The following CES5A variants were observed in gnomAD, a reference collection of about 807,000 sequenced individuals.
CES5A encodes carboxylesterase 5A, also known as carboxylesterase 5.
In CES5A, 67 loss-of-function variants were observed where a neutral mutation model predicts 62.9. The ratio of observed to expected loss-of-function variants is 1.07; its 90% CI spans 0.88 to 1.31. CES5A has a LOEUF of 1.31. Ranked by LOEUF, CES5A falls within the 50% of genes most tolerant of loss-of-function variation. The pLI, the probability that CES5A is intolerant of heterozygous loss-of-function variation, is 0.00. For missense variants in CES5A, 748 were observed against 708.5 expected (o/e 1.06, Z -0.63); for synonymous variants, 296 against 280.8 (o/e 1.05, Z -0.54).
chr16:55,895,883 C>T (rs1412970206), intron 1 of CES5A, among the ~76,000 whole-genome samples: 3 of 152,062 alleles, frequency 2.0e-5, no homozygotes, highest in African/African-American at 7.2e-5. Flanking sequence ...TCATGGGTCC[C>T]TTATGAACAA....
rs551931426 is a variant in CES5A at position 55,861,271 on chromosome 16, T to C, written c.915+141A>G. ...TACAAGGGTTCTATATCCCTACTTA[T>C]TTTTTTACAGCTGTTACCAAGTACC... On this transcript the variant is annotated intron_variant, in intron 7 of 12. Coordinates refer to ENST00000290567, the MANE Select transcript of CES5A (RefSeq NM_001143685.2). 4.2e-5 allele frequency: 26 copies of C among 618,384 alleles called. No individual in the cohort carries two copies. In the Admixed American group the frequency reaches 6.4e-4, roughly 15 times the overall value. 38.3% of individuals were successfully genotyped at this position (618,384 alleles called of 1,614,324 possible). A position where few individuals can be genotyped will look rare whatever the true frequency, so the allele number is the denominator to read the frequency against.
At chr16:55,848,933 T>C (rs1268481319) in intron 11 of CES5A, among the ~76,000 whole-genome samples, 2 of 152,174 alleles carry the variant, frequency 1.3e-5, no homozygotes, top group African/African-American at 2.4e-5. Context: ...ACTGAAATAA[T>C]GAATAACCCA....
upstream of CES5A, among the ~76,000 whole-genome samples, chr16:55,879,474 C>T (rs548835480): frequency 1.3e-5 from 2 of 151,516 alleles, no homozygotes; most frequent in Non-Finnish European, 2.9e-5. Context: ...CACCCTATCA[C>T]TGCATCCCAT....
intron 1 of CES5A, among the ~76,000 whole-genome samples, chr16:55,887,267 A>C (rs2033826347): frequency 6.6e-6 from 1 of 150,942 alleles, no homozygotes; most frequent in Admixed American, 6.6e-5. Context: ...CTGGGGGTGG[A>C]GGGATGCTTC....
upstream of CES5A, among the ~76,000 whole-genome samples, chr16:55,878,980 G>T (rs2033731589): frequency 2.4e-5 from 3 of 126,498 alleles, no homozygotes; most frequent in Admixed American, 2.5e-4. Flanking sequence ...GCCCATTGCT[G>T]CACCCCATCA....
At chr16:55,853,548 A>G (rs2033174053) in intron 9 of CES5A, among the ~76,000 whole-genome samples, 1 of 152,124 alleles carries the variant, frequency 6.6e-6, no homozygotes. Context: ...GCCCTTAGCT[A>G]TTATCTTACC....
At chr16:55,920,455 T>C (rs2034192963) in intron 1 of CES5A, among the ~76,000 whole-genome samples, 1 of 152,118 alleles carries the variant, frequency 6.6e-6, no homozygotes, top group Admixed American at 6.5e-5. Context: ...GTCCCACAGG[T>C]CTTCTGGGAA....
chr16:55,878,200 G>C (rs1253757032), upstream of CES5A, among the ~76,000 whole-genome samples: 1 of 152,078 alleles, frequency 6.6e-6, no homozygotes, highest in East Asian at 1.9e-4. Flanking sequence ...TTAAAACATA[G>C]GTTAATCTAC....
intron 1 of CES5A, among the ~76,000 whole-genome samples, chr16:55,912,773 G>A (rs1229068950): frequency 5.3e-5 from 8 of 152,134 alleles, no homozygotes; most frequent in South Asian, 2.1e-4. Context: ...ACTCACAGAC[G>A]CCTAGAACTG....
rs779350232 is a variant in CES5A, at chr16:55,856,390, A to G, written c.1112T>C (p.Ile371Thr). 8 of 1,614,090 alleles carry G rather than the reference A, an allele frequency of 5.0e-6. No homozygotes were observed. In the Middle Eastern group the frequency reaches 5.0e-4, roughly 100 times the overall value. The part of the protein sequence containing the change: ...GSNKSLALHL[I>T]QNILHIPPQY... ...CAAGCTACTCACCAGGATGTTTTGT[A>G]TCAGATGGAGGGCAAGGGACTTGTT... The change falls in exon 9 of 13, where the codon ATA becomes ACA. Residue 371 changes from isoleucine (I) to threonine (T), a missense_variant. Physicochemically the swap from Ile to Thr is moderately conservative, Grantham distance 89. Transcript: ENST00000290567.
chr16:55,948,030 G>A (rs563256422), intron 2 of CES5A, among the ~76,000 whole-genome samples: 1 of 152,134 alleles, frequency 6.6e-6, no homozygotes, highest in East Asian at 1.9e-4. Context: ...TTTGGAACCT[G>A]AGAGCCTGAT....
intron 2 of CES5A, among the ~76,000 whole-genome samples, chr16:55,948,528 C>T (rs748610126): frequency 2.0e-5 from 3 of 152,142 alleles, no homozygotes; most frequent in Non-Finnish European, 2.9e-5. Flanking sequence ...TGTTAATTTA[C>T]ATTGTCAGGG....
intron 2 of CES5A, among the ~76,000 whole-genome samples, chr16:55,940,163 T>A (rs1764220944): frequency 6.6e-6 from 1 of 151,864 alleles, no homozygotes; most frequent in South Asian, 2.1e-4. Context: ...AAAACCAAAG[T>A]AACCAGGAGA....
chr16:55,860,163 T>G (rs1252423154), intron 7 of CES5A, among the ~76,000 whole-genome samples: 4 of 152,170 alleles, frequency 2.6e-5, no homozygotes, highest in African/African-American at 7.2e-5. Context: ...GCTTTTTTTT[T>G]GCCCACCACC....
At chr16:55,905,602 C>T (rs1424742631) in intron 1 of CES5A, among the ~76,000 whole-genome samples, 5 of 152,028 alleles carry the variant, frequency 3.3e-5, no homozygotes, top group Admixed American at 2.0e-4. Flanking sequence ...CCTCGTGATC[C>T]GCCTGCCTCA....
chr16:55,869,697 G>A lies in CES5A; in HGVS notation c.465C>T (p.Ser155=), dbSNP rs574722799. The stretch of plus-strand genomic sequence containing the variant: ...CAGCCAGGGCGGACCCATCAAAGAT[G>A]GAGGCTGAGCCAGTCTTGAAGGCAC... ...PGGAFKTGSA[S]IFDGSALAAY... The change falls in exon 4 of 13, where the codon TCC becomes TCT. Residue 155 remains serine (S), a synonymous_variant. Coordinates refer to ENST00000290567, the MANE Select transcript of CES5A (RefSeq NM_001143685.2). 72 of 1,611,252 alleles carry A rather than the reference G, an allele frequency of 4.5e-5. 1 individual carries two copies. The South Asian group carries it at 6.7e-4, about 15-fold the overall frequency.
intron 8 of CES5A, among the ~76,000 whole-genome samples, chr16:55,859,126 C>A (rs2033302427): frequency 6.6e-6 from 1 of 152,328 alleles, no homozygotes; most frequent in South Asian, 2.1e-4. Flanking sequence ...GCTTATGCAA[C>A]CTTAGCATTC....
At chr16:55,927,064 T>G (rs1392047412), upstream of CES5A, among the ~76,000 whole-genome samples, 1 of 152,216 alleles carries the variant, frequency 6.6e-6, no homozygotes, top group Non-Finnish European at 1.5e-5. Context: ...ACTGAATCCC[T>G]GTCTCTCACC....
Position 55,846,471 on chromosome 16 carries a change from A to G in CES5A, c.1708T>C (p.Phe570Leu), listed in dbSNP as rs752945026. ...ACTTCTCAAGGAGCACAAAAGAAAA[A>G]GAAAGGCTGGAGGAGAGAGAGGAAA... is the stretch of plus-strand genomic sequence containing the variant. Reference protein sequence around the residue: ...LTFLSLLQPFFFFCAP With the variant: ...LTFLSLLQPFLFFCAP The change falls in exon 13 of 13, where the codon TTT becomes CTT. Residue 570 changes from phenylalanine to leucine, a missense_variant. Physicochemically the swap from Phe to Leu is conservative, Grantham distance 22. Coordinates refer to ENST00000290567, the MANE Select transcript of CES5A (RefSeq NM_001143685.2). 1.0e-4 allele frequency: 167 copies of G among 1,613,672 alleles called. 1 individual carries two copies. In the Middle Eastern group the frequency reaches 3.3e-3, roughly 32 times the overall value.
Sources: allele counts gnomAD v4.1 joint callset (sites outside exome capture counted in the v4.1 genomes callset), GRCh38; gene constraint gnomAD v4.1.1; transcripts MANE v1.5; gene names NCBI Gene and HGNC (gene_info 2026-07-23, HGNC 2026-07-21).